ITPR1: variants seen among roughly 807,000 people sequenced by gnomAD.
ITPR1 encodes the protein inositol 1,4,5-trisphosphate-gated calcium channel ITPR1.
Under a neutral mutation model 318.4 loss-of-function variants are expected in ITPR1, and 96 were observed. The ratio of observed to expected loss-of-function variants is 0.30; its 90% confidence interval spans 0.26 to 0.36. ITPR1 has a LOEUF of 0.36. Ranked by LOEUF, ITPR1 falls within the 10% of genes least tolerant of loss-of-function variation. The probability of loss-of-function intolerance (pLI) is 1.00; values close to 1 mark genes in which losing one functional copy is unlikely to be tolerated. For synonymous variants in ITPR1, 1,312 were observed against 1,289.9 expected (o/e 1.02, Z -0.37); for missense variants, 2,440 against 3,460.2 (o/e 0.71, Z 7.40).
chr3:4,716,928 C>A (rs975811218), intron 39 of ITPR1, among the ~76,000 whole-genome samples: 6 of 152,150 alleles, frequency 3.9e-5, no homozygotes, highest in Admixed American at 2.0e-4. Flanking sequence ...CTTCTGACCC[C>A]CGACTGAGTC....
At chr3:4,756,285 A>C (rs2044979970) in intron 44 of ITPR1, among the ~76,000 whole-genome samples, 1 of 152,160 alleles carries the variant, frequency 6.6e-6, no homozygotes, top group African/African-American at 2.4e-5. Context: ...CACGTGCAGA[A>C]ATTTGAATGG....
intron 5 of ITPR1, among the ~76,000 whole-genome samples, chr3:4,634,419 C>G (rs956149856): frequency 1.3e-5 from 2 of 151,902 alleles, no homozygotes; most frequent in Non-Finnish European, 2.9e-5. Flanking sequence ...GCCACATTGC[C>G]CAGGCTGGTC....
intron 4 of ITPR1, among the ~76,000 whole-genome samples, chr3:4,607,700 G>A (rs1040892880): frequency 1.3e-5 from 2 of 152,062 alleles, no homozygotes; most frequent in Non-Finnish European, 2.9e-5. Flanking sequence ...GCAGTCATAC[G>A]GGTGTGGGTA....
At chr3:4,768,179 T>TATTCA (rs1405294672) in intron 45 of ITPR1, 2 of 235,352 alleles carry the variant, frequency 8.5e-6, no homozygotes, top group African/African-American at 2.2e-5. Flanking sequence ...CTTGAGATGT[T>TATTCA]ATTCACGGAT....
chr3:4,627,542 C>T (rs2092873085), intron 4 of ITPR1, among the ~76,000 whole-genome samples: 1 of 152,108 alleles, frequency 6.6e-6, no homozygotes, highest in Non-Finnish European at 1.5e-5. Flanking sequence ...CCAAGTGGTT[C>T]TGTAGAACAA....
In ITPR1 at chr3:4,652,044, A is replaced by T. The variant is rs534892139; in HGVS notation, c.856-79A>T. On this transcript the variant is annotated intron_variant, in intron 10 of 61. Coordinates refer to ENST00000649015, the MANE Select transcript of ITPR1 (RefSeq NM_001378452.1). ...AGCTTATAAACATCCCTCCTGAACTATGACTTGTGATACCTCCGATTTAAT... is the reference window on the plus strand; with the variant it reads ...AGCTTATAAACATCCCTCCTGAACTTTGACTTGTGATACCTCCGATTTAAT... 6.2e-5 allele frequency: 68 copies of T among 1,099,038 alleles called. No homozygotes were observed. The African/African-American group carries it at 1.0e-3, about 16-fold the overall frequency. 68.1% of individuals were successfully genotyped at this position (1,099,038 alleles called of 1,614,324 possible).
chr3:4,694,934 A>AT (rs1245850366), intron 33 of ITPR1, among the ~76,000 whole-genome samples: 1 of 152,240 alleles, frequency 6.6e-6, no homozygotes, highest in Non-Finnish European at 1.5e-5. Context: ...AATTTTGCAC[A>AT]TAAACGCATA....
rs765573532 is a variant in ITPR1 at position 4,691,291 on chromosome 3, G to T, written c.3976G>T (p.Val1326Phe). The T allele has an allele frequency of 6.2e-7, 1 of 1,613,558 alleles. No homozygotes were observed. Among genetic ancestry groups the T allele is most frequent in the Admixed American group, 1.7e-5 (1 of 60,008 alleles). ...GTATATAAAGTTCTTACAGACAATT[G>T]TCAAGGCAGAAGGGAAATTTATTAA... Reference protein sequence around the residue: ...VQYIKFLQTIVKAEGKFIKKC... With the variant: ...VQYIKFLQTIFKAEGKFIKKC... The change falls in exon 32 of 62, where the codon GTC (valine) becomes TTC (phenylalanine). Residue 1326 changes from valine to phenylalanine, a missense_variant. Val to Phe is a conservative substitution (Grantham distance 50). Transcript: ENST00000649015.
rs530165910 is a variant in ITPR1 at position 4,538,425 on chromosome 3, G to C, written c.163+17331G>C. Among the ~76,000 whole-genome samples the C allele has an allele frequency of 2.6e-5, 4 of 152,260 alleles. No homozygotes were observed. In the South Asian group the frequency reaches 8.3e-4, roughly 32 times the overall value. ...ATGCTGGTGAGGTTGTAGAGAAATA[G>C]GAATGTTTTTACACTGTTGGTGGGA... On this transcript the variant is annotated intron_variant, in intron 4 of 61. Transcript: ENST00000649015.
At chr3:4,521,181 G>A in intron 4 of ITPR1, 87 bp downstream of exon 4, 2 of 793,428 alleles carry the variant, frequency 2.5e-6, no homozygotes, top group Non-Finnish European at 4.3e-6. Flanking sequence ...GTGTTTATAA[G>A]CAAAATAGGC....
chr3:4,646,339 A>G (rs1184944391), intron 10 of ITPR1, among the ~76,000 whole-genome samples: 2 of 152,226 alleles, frequency 1.3e-5, no homozygotes, highest in Non-Finnish European at 2.9e-5. Context: ...AGGAGATAGC[A>G]TCTGATCTGG....
In ITPR1 at chr3:4,691,184, A is replaced by T. The variant is rs2094474021; in HGVS notation, c.3869A>T (p.Asn1290Ile). ...ACCATGCAGCACATCTTCATGAACAATTTCCAGCTTTGCAGTGAGATCAAC... is the reference window on the plus strand; with the variant it reads ...ACCATGCAGCACATCTTCATGAACATTTTCCAGCTTTGCAGTGAGATCAAC... ...AVTMQHIFMN[N>I]FQLCSEINER... The change falls in exon 32 of 62, where the codon AAT becomes ATT. Residue 1290 changes from asparagine to isoleucine, a missense_variant. Physicochemically the swap from Asn to Ile is moderately radical, Grantham distance 149. Around this residue, in one of 23 missense-constraint regions of ITPR1, gnomAD observed 222 missense variants for 318.8 expected, o/e 0.70. Transcript: ENST00000649015. 6.2e-7 allele frequency: 1 copy of T among 1,612,988 alleles called. No homozygotes were observed. Among genetic ancestry groups the T allele is most frequent in the Non-Finnish European group, 8.5e-7 (1 of 1,179,326 alleles).
intron 4 of ITPR1, among the ~76,000 whole-genome samples, chr3:4,595,285 T>A (rs1193067561): frequency 6.6e-6 from 1 of 152,158 alleles, no homozygotes; most frequent in Non-Finnish European, 1.5e-5. Context: ...AACTTTGTCA[T>A]GGTGGAAGGC....
intron 4 of ITPR1, among the ~76,000 whole-genome samples, chr3:4,521,656 T>C (rs777002446): frequency 1.3e-5 from 2 of 151,734 alleles, no homozygotes; most frequent in Admixed American, 6.6e-5. Flanking sequence ...TCTAGACGAG[T>C]CTGGGAATTC....
intron 35 of ITPR1, 114 bp from the exon 36 acceptor site, chr3:4,702,716 T>G: frequency 8.8e-7 from 1 of 1,137,700 alleles, no homozygotes; most frequent in African/African-American, 1.5e-5. Context: ...AGGCAGTGTC[T>G]GTCTCTGATC....
chr3:4,522,623 C>T (rs1410632893), intron 4 of ITPR1, among the ~76,000 whole-genome samples: 7 of 152,196 alleles, frequency 4.6e-5, no homozygotes, highest in Admixed American at 3.9e-4. Flanking sequence ...CTTCTCAATC[C>T]TTCTTTCATG....
At chr3:4,668,615 G>C (rs941783713) in intron 18 of ITPR1, among the ~76,000 whole-genome samples, 2 of 152,040 alleles carry the variant, frequency 1.3e-5, no homozygotes, top group East Asian at 1.9e-4. Context: ...CTACAGGCAC[G>C]TGCCACCACA....
rs373282784 is a variant in ITPR1, at chr3:4,690,281, A to G, written c.3829-863A>G. Reference sequence around the variant, plus strand: ...CAAAGCAAGACTGTATCTCAAATAAATAAATAAGTAAATAAGAACGTAAAG... The same window carrying G: ...CAAAGCAAGACTGTATCTCAAATAAGTAAATAAGTAAATAAGAACGTAAAG... On this transcript the variant is annotated intron_variant, in intron 31 of 61. Transcript: ENST00000649015. Among the ~76,000 whole-genome samples the G allele has an allele frequency of 6.6e-5, 10 of 152,354 alleles. No individual in the cohort carries two copies. In the East Asian group the frequency reaches 1.2e-3, roughly 18 times the overall value.
rs770103363 is a variant in ITPR1 at position 4,644,175 on chromosome 3, G to A, written c.565G>A (p.Ala189Thr). The change falls in exon 8 of 62, where the codon GCT becomes ACT. Residue 189 changes from alanine (A) to threonine (T), a missense_variant. Transcript: ENST00000649015. ...CAAGGTGGTTCTGAACCCCGTCAAT[G>A]CTGGTCAGCCCCTACATGCTAGCAG... is the stretch of plus-strand genomic sequence containing the variant. ...GDKVVLNPVN[A>T]GQPLHASSHQ... 1 of 1,612,176 alleles carries A rather than the reference G, an allele frequency of 6.2e-7. No homozygotes were observed. The highest frequency in any genetic ancestry group is 8.5e-7 in the Non-Finnish European group (1 of 1,179,168).
Sources: allele counts gnomAD v4.1 joint callset (sites outside exome capture counted in the v4.1 genomes callset), GRCh38; gene constraint gnomAD v4.1.1; regional missense constraint gnomAD v4.1.1; transcripts MANE v1.5; gene names NCBI Gene and HGNC (gene_info 2026-07-23, HGNC 2026-07-21).